GPR39: variants seen among roughly 807,000 people sequenced by gnomAD.
GPR39 encodes the protein zinc sensing receptor.
A neutral mutation model predicts 18.4 loss-of-function variants in GPR39; 23 were observed. The observed-to-expected ratio is 1.25, with a 90% confidence interval of 0.90 to 1.77. The LOEUF (loss-of-function observed/expected upper bound fraction) is 1.77, where lower values mean the gene tolerates loss of function less well. Ranked by LOEUF, GPR39 falls within the 40% of genes most tolerant of loss-of-function variation. The pLI is 0.00. For synonymous variants in GPR39, 280 were observed against 257.9 expected, an observed-to-expected ratio of 1.09 and a Z score of -0.82; for missense variants, 647 against 602.4, an observed-to-expected ratio of 1.07 and a Z score of -0.78.
At position 132,417,578 on chromosome 2, in the gene GPR39, C is replaced by T; in HGVS notation, c.536C>T (p.Pro179Leu). The T allele has an allele frequency of 6.2e-7, 1 of 1,614,116 alleles. No homozygotes were observed. Among genetic ancestry groups the T allele is most frequent in the Non-Finnish European group, 8.5e-7 (1 of 1,180,030 alleles). Residue 179 changes from proline to leucine, a missense_variant, in exon 1 of 2, where the codon CCC (proline) becomes CTC (leucine). Physicochemically the swap from Pro to Leu is moderately conservative, Grantham distance 98. Coordinates refer to ENST00000329321, the MANE Select transcript of GPR39 (RefSeq NM_001508.3). ...PLLFAMGTEY[P>L]LVNVPSHRGL... ...CTGTTTGCCATGGGTACTGAGTACC[C>T]CCTGGTGAACGTGCCCAGCCACCGG...
chr2:132,514,687 C>T (rs1480456168), intron 1 of GPR39, among the ~76,000 whole-genome samples: 1 of 152,190 alleles, frequency 6.6e-6, no homozygotes, highest in Non-Finnish European at 1.5e-5. Context: ...ATCCTCTCTA[C>T]ACCGTGGAAG....
At chr2:132,486,610 C>G (rs1236347656) in intron 1 of GPR39, among the ~76,000 whole-genome samples, 2 of 152,200 alleles carry the variant, frequency 1.3e-5, no homozygotes, top group South Asian at 4.1e-4. Flanking sequence ...CTTTCTTAAA[C>G]CTCATGAACC....
At chr2:132,625,462 C>G (rs1467810507) in intron 1 of GPR39, among the ~76,000 whole-genome samples, 1 of 152,088 alleles carries the variant, frequency 6.6e-6, no homozygotes, top group African/African-American at 2.4e-5. Flanking sequence ...TAATAAGTGC[C>G]ATAAACCAGC....
chr2:132,606,207 G>A (rs1681135175), intron 1 of GPR39: 1 of 152,260 alleles, frequency 6.6e-6, no homozygotes, highest in African/African-American at 2.4e-5. Flanking sequence ...TTCTGGTTAA[G>A]TACAATCAAC....
intron 1 of GPR39, among the ~76,000 whole-genome samples, chr2:132,529,655 C>T (rs1240080252): frequency 6.6e-6 from 1 of 152,210 alleles, no homozygotes; most frequent in Non-Finnish European, 1.5e-5. Flanking sequence ...TGAGACAAAA[C>T]TTCCAGAGGA....
intron 1 of GPR39, among the ~76,000 whole-genome samples, chr2:132,598,576 T>C (rs1282083972): frequency 6.6e-6 from 1 of 152,040 alleles, no homozygotes; most frequent in African/African-American, 2.4e-5. Flanking sequence ...TTCCTTGTTC[T>C]AGAGTTTAGG....
chr2:132,560,097 C>T (rs1680223417), intron 1 of GPR39, among the ~76,000 whole-genome samples: 1 of 152,132 alleles, frequency 6.6e-6, no homozygotes, highest in Non-Finnish European at 1.5e-5. Context: ...CTGCATCCCT[C>T]AGCCAGCTTA....
chr2:132,475,052 C>T (rs1681101674), intron 1 of GPR39, among the ~76,000 whole-genome samples: 1 of 152,154 alleles, frequency 6.6e-6, no homozygotes, highest in African/African-American at 2.4e-5. Context: ...ATATCTTCAC[C>T]CAATTTACTG....
At chr2:132,603,060 G>C (rs1681073445) in intron 1 of GPR39, among the ~76,000 whole-genome samples, 1 of 151,954 alleles carries the variant, frequency 6.6e-6, no homozygotes, top group African/African-American at 2.4e-5. Context: ...AAGGAATTCA[G>C]GTTATCAAAG....
At chr2:132,468,939 C>G (rs917234457) in intron 1 of GPR39, among the ~76,000 whole-genome samples, 1 of 152,192 alleles carries the variant, frequency 6.6e-6, no homozygotes, top group South Asian at 2.1e-4. Flanking sequence ...TGATTTTTCC[C>G]CACAATGTTG....
intron 1 of GPR39, among the ~76,000 whole-genome samples, chr2:132,489,955 G>T (rs62167446): frequency 6.6e-6 from 1 of 151,834 alleles, no homozygotes; most frequent in Non-Finnish European, 1.5e-5. Flanking sequence ...TCAGCTCTGG[G>T]AGGCCCCAGA....
At chr2:132,444,342 T>C (rs72999264) in intron 1 of GPR39, among the ~76,000 whole-genome samples, 114 of 152,236 alleles carry the variant, frequency 7.5e-4, no homozygotes, top group African/African-American at 2.6e-3. Context: ...CACCTTAGGC[T>C]GTGCAGTGGT....
At chr2:132,457,671 T>C (rs947921361) in intron 1 of GPR39, among the ~76,000 whole-genome samples, 2 of 152,260 alleles carry the variant, frequency 1.3e-5, no homozygotes, top group African/African-American at 4.8e-5. Flanking sequence ...TTCAGAGCTG[T>C]CAGACAGGGA....
intron 1 of GPR39, among the ~76,000 whole-genome samples, chr2:132,443,255 A>G (rs1258609683): frequency 1.3e-5 from 2 of 152,222 alleles, no homozygotes; most frequent in Non-Finnish European, 2.9e-5. Flanking sequence ...ACAAATATAT[A>G]ATAACTTATG....
intron 1 of GPR39, among the ~76,000 whole-genome samples, chr2:132,552,554 A>G (rs1450602060): frequency 6.6e-6 from 1 of 152,122 alleles, no homozygotes; most frequent in African/African-American, 2.4e-5. Flanking sequence ...AGTCTCAGGT[A>G]TTCTTCATAG....
At chr2:132,483,047 C>A (rs1681264533) in intron 1 of GPR39, among the ~76,000 whole-genome samples, 1 of 152,120 alleles carries the variant, frequency 6.6e-6, no homozygotes, top group African/African-American at 2.4e-5. Context: ...ATGAACTCTG[C>A]CACGTACTAA....
chr2:132,468,694 C>T (rs10177527), intron 1 of GPR39, among the ~76,000 whole-genome samples: 68,947 of 152,078 alleles, frequency 0.45, 16,699 homozygotes, highest in Non-Finnish European at 0.53. Flanking sequence ...CCATAGCTTA[C>T]GTGTGCAGTG....
chr2:132,501,981 T>A (rs1447880632), intron 1 of GPR39, among the ~76,000 whole-genome samples: 1 of 152,178 alleles, frequency 6.6e-6, no homozygotes, highest in Non-Finnish European at 1.5e-5. Flanking sequence ...ATGTGTTAGA[T>A]GAATCTCCTG....
rs1034961185 is a variant in GPR39 at position 132,608,820 on chromosome 2, G to A, written c.857-36281G>A. 4.6e-5 allele frequency among the ~76,000 whole-genome samples: 7 copies of A among 152,228 alleles called. No homozygotes were observed. The South Asian group carries it at 8.3e-4, about 18-fold the overall frequency. ...CTGGGGTGGGGTGCGGGAGCAGGGC[G>A]GGCAGAATCAATGAGCACTTGAGAT... On this transcript the variant is annotated intron_variant, in intron 1 of 1. Coordinates refer to ENST00000329321, the MANE Select transcript of GPR39 (RefSeq NM_001508.3).
Sources: allele counts gnomAD v4.1 joint callset (sites outside exome capture counted in the v4.1 genomes callset), GRCh38; gene constraint gnomAD v4.1.1; transcripts MANE v1.5; gene names NCBI Gene and HGNC (gene_info 2026-07-23, HGNC 2026-07-21).